MTUS2: variants seen among roughly 807,000 people sequenced by gnomAD.
MTUS2 encodes the protein microtubule associated scaffold protein 2.
Under a neutral mutation model 114.1 loss-of-function variants are expected in MTUS2, and 40 were observed. That is an observed-to-expected ratio of 0.35 (90% CI 0.27 to 0.46). The LOEUF (loss-of-function observed/expected upper bound fraction) is 0.46, where lower values mean the gene tolerates loss of function less well. Ranked by LOEUF, MTUS2 falls within the 20% of genes least tolerant of loss-of-function variation. MTUS2 has a pLI of 1.00. For missense variants in MTUS2, 1,679 were observed against 1,705.4 expected (o/e 0.98, Z 0.27); for synonymous variants, 688 against 672.0 (o/e 1.02, Z -0.37).
chr13:29,479,399 AAGAC>A (rs1880972649), intron 9 of MTUS2, among the ~76,000 whole-genome samples: 1 of 152,202 alleles, frequency 6.6e-6, no homozygotes, highest in African/African-American at 2.4e-5. Flanking sequence ...CACAGACACT[AAGAC>A]AGAGCAGGCT....
chr13:28,909,942 A>G (rs1008128507), intron 2 of MTUS2, among the ~76,000 whole-genome samples: 1 of 152,222 alleles, frequency 6.6e-6, no homozygotes, highest in African/African-American at 2.4e-5. Flanking sequence ...TATGGGCTAC[A>G]TTAGATATTT....
At chr13:29,093,065 C>T (rs557400767) in intron 4 of MTUS2, among the ~76,000 whole-genome samples, 178 of 152,274 alleles carry the variant, frequency 1.2e-3, no homozygotes, top group African/African-American at 4.0e-3. Flanking sequence ...TTCTTAACAG[C>T]TTTCCCCGAT....
At chr13:29,001,206 G>A (rs1323549110) in intron 2 of MTUS2, among the ~76,000 whole-genome samples, 1 of 152,132 alleles carries the variant, frequency 6.6e-6, no homozygotes, top group African/African-American at 2.4e-5. Context: ...GCCACTGGAG[G>A]GTCTTGAAGA....
intron 5 of MTUS2, among the ~76,000 whole-genome samples, chr13:29,251,274 C>T (rs1241616174): frequency 7.4e-6 from 1 of 134,294 alleles, no homozygotes; most frequent in Non-Finnish European, 1.6e-5. Flanking sequence ...GCTTTCTTAC[C>T]TGTGAAAATG....
intron 2 of MTUS2, among the ~76,000 whole-genome samples, chr13:28,911,316 C>T (rs1413407851): frequency 6.6e-6 from 1 of 151,366 alleles, no homozygotes; most frequent in Non-Finnish European, 1.5e-5. Context: ...GCTGGGACTA[C>T]AGGCACGTAC....
At chr13:29,428,659 CCT>C (rs1358446050) in intron 8 of MTUS2, 7 of 1,256,362 alleles carry the variant, frequency 5.6e-6, no homozygotes, top group Non-Finnish European at 6.1e-6. Context: ...CTCTCCTCCT[CCT>C]CTCATTCCTC....
At chr13:28,909,248 G>C (rs977187162) in intron 2 of MTUS2, among the ~76,000 whole-genome samples, 2 of 151,420 alleles carry the variant, frequency 1.3e-5, no homozygotes, top group Non-Finnish European at 2.9e-5. Flanking sequence ...TAGCTTAATG[G>C]GGGTGGCATT....
intron 4 of MTUS2, among the ~76,000 whole-genome samples, chr13:29,048,852 G>A (rs2138592122): frequency 6.6e-6 from 1 of 152,324 alleles, no homozygotes; most frequent in Admixed American, 6.5e-5. Context: ...CTGGGCTCAA[G>A]CATTCCACGT....
intron 2 of MTUS2, among the ~76,000 whole-genome samples, chr13:28,891,556 A>T (rs1249542211): frequency 6.6e-6 from 1 of 152,146 alleles, no homozygotes; most frequent in Non-Finnish European, 1.5e-5. Context: ...AATAGGGGCA[A>T]TGTGCTGAAA....
chr13:28,959,191 G>C (rs1285619315), intron 2 of MTUS2, among the ~76,000 whole-genome samples: 2 of 152,222 alleles, frequency 1.3e-5, no homozygotes, highest in East Asian at 3.9e-4. Flanking sequence ...GAGCAGTTCA[G>C]TAAGACAGGA....
intron 4 of MTUS2, among the ~76,000 whole-genome samples, chr13:29,070,727 G>C (rs1448630450): frequency 6.6e-6 from 1 of 152,016 alleles, no homozygotes; most frequent in Non-Finnish European, 1.5e-5. Context: ...TCAGCTCTGG[G>C]CAATCATCTT....
chr13:29,258,079 A>C (rs931173291), intron 5 of MTUS2, among the ~76,000 whole-genome samples: 1 of 152,238 alleles, frequency 6.6e-6, no homozygotes, highest in Non-Finnish European at 1.5e-5. Flanking sequence ...GCTGCTAAAA[A>C]CACCTATTGA....
intron 3 of MTUS2, among the ~76,000 whole-genome samples, chr13:29,027,514 G>T (rs961670614): frequency 6.6e-6 from 1 of 152,168 alleles, no homozygotes; most frequent in Non-Finnish European, 1.5e-5. Context: ...TTCCCTGAGG[G>T]TTGGTATTGC....
intron 1 of MTUS2, among the ~76,000 whole-genome samples, chr13:28,822,737 C>T (rs1873995533): frequency 6.6e-6 from 1 of 152,050 alleles, no homozygotes; most frequent in South Asian, 2.1e-4. Flanking sequence ...TATTCCCACC[C>T]CCCAATTATA....
At chr13:28,888,901 A>T (rs1878754859) in intron 2 of MTUS2, among the ~76,000 whole-genome samples, 2 of 152,218 alleles carry the variant, frequency 1.3e-5, no homozygotes, top group South Asian at 2.1e-4. Flanking sequence ...TCAAGTGTCC[A>T]GGGCAAAGGG....
At chr13:29,475,806 T>C (rs1160983137) in intron 9 of MTUS2, among the ~76,000 whole-genome samples, 1 of 152,204 alleles carries the variant, frequency 6.6e-6, no homozygotes, top group Admixed American at 6.5e-5. Context: ...ATCAAAAAGT[T>C]TGTCAAGTAA....
chr13:29,429,723 TG>T (rs1207867477), intron 8 of MTUS2, among the ~76,000 whole-genome samples: 1 of 152,230 alleles, frequency 6.6e-6, no homozygotes, highest in Admixed American at 6.5e-5. Context: ...ATGCATGAAA[TG>T]GGATTTCACA....
At chr13:29,466,548 A>G (rs907201676) in intron 9 of MTUS2, among the ~76,000 whole-genome samples, 1 of 152,210 alleles carries the variant, frequency 6.6e-6, no homozygotes, top group Non-Finnish European at 1.5e-5. Flanking sequence ...TTCCTGTGCA[A>G]AATTAAAAGC....
intron 5 of MTUS2, among the ~76,000 whole-genome samples, chr13:29,128,017 G>A (rs1042236266): frequency 5.9e-5 from 9 of 152,300 alleles, no homozygotes; most frequent in Middle Eastern, 3.4e-3. Context: ...GATGTGATGC[G>A]TAATGGAGGT....
Sources: allele counts gnomAD v4.1 joint callset (sites outside exome capture counted in the v4.1 genomes callset), GRCh38; gene constraint gnomAD v4.1.1; transcripts MANE v1.5; gene names NCBI Gene and HGNC (gene_info 2026-07-23, HGNC 2026-07-21).